The following ENTPD1 variants were observed in gnomAD, a reference collection of about 807,000 sequenced individuals.
ENTPD1 encodes ATP diphosphohydrolase.
A neutral mutation model predicts 57.0 loss-of-function variants in ENTPD1; 33 were observed. The observed-to-expected ratio is 0.58, with a 90% confidence interval of 0.44 to 0.77. The LOEUF is 0.77. Ranked by LOEUF, ENTPD1 falls within the 30% of genes least tolerant of loss-of-function variation. The probability of loss-of-function intolerance (pLI) is 0.00; values close to 1 mark genes in which losing one functional copy is unlikely to be tolerated. For synonymous variants in ENTPD1, 202 were observed against 218.8 expected, an observed-to-expected ratio of 0.92 and a Z score of 0.68; for missense variants, 501 against 603.4, an observed-to-expected ratio of 0.83 and a Z score of 1.78.
chr10:95,699,120 A>G, the ENTPD1 span, among the ~76,000 whole-genome samples: 1 of 152,216 alleles, frequency 6.6e-6, no homozygotes. Flanking sequence ...GGCTGCAGTG[A>G]GCCATGATCA....
chr10:95,768,676 A>G (rs934495910), intron 1 of ENTPD1, among the ~76,000 whole-genome samples: 6 of 152,084 alleles, frequency 3.9e-5, no homozygotes, highest in Non-Finnish European at 8.8e-5. Flanking sequence ...TTTGGCTTCC[A>G]TGAAATCTTT....
chr10:95,871,349 A>T lies in ENTPD1; in HGVS notation c.*4966A>T. ...AAAATGTCATTACTTCTAAGACATC[A>T]TCAGTCTGCAACTTCTTTCCATAGC... On this transcript the variant is annotated 3_prime_UTR_variant, in exon 10 of 10. Transcript: ENST00000371205. The T allele has an allele frequency of 1.0e-6, 1 of 985,434 alleles. No homozygotes were observed. The allele number at this position is 985,434 out of a possible 1,614,324, so 61.0% of individuals were successfully genotyped here.
intron 1 of ENTPD1, among the ~76,000 whole-genome samples, chr10:95,769,871 A>G (rs1054761918): frequency 1.1e-4 from 16 of 152,212 alleles, no homozygotes; most frequent in African/African-American, 3.9e-4. Context: ...GGGCCTTCCA[A>G]GAAACTAGAA....
chr10:95,717,702 G>A (rs534478992), intron 1 of ENTPD1, among the ~76,000 whole-genome samples: 239 of 152,204 alleles, frequency 1.6e-3, no homozygotes, highest in South Asian at 3.1e-3. Context: ...CCCTCTCAAC[G>A]GGAAAACCCA....
chr10:95,776,705 G>A (rs560156794), intron 1 of ENTPD1, among the ~76,000 whole-genome samples: 25 of 152,274 alleles, frequency 1.6e-4, no homozygotes, highest in African/African-American at 3.9e-4. Context: ...GGAAGTTCTC[G>A]TGGATAACAT....
intron 1 of ENTPD1, among the ~76,000 whole-genome samples, chr10:95,779,612 G>A (rs1290489283): frequency 2.0e-5 from 3 of 151,940 alleles, no homozygotes; most frequent in Admixed American, 6.6e-5. Flanking sequence ...AGGACTCTGA[G>A]CTGCCTACTT....
the ENTPD1 span, among the ~76,000 whole-genome samples, chr10:95,706,121 T>C: frequency 2.0e-5 from 3 of 152,106 alleles, no homozygotes; most frequent in Admixed American, 6.5e-5. Context: ...AAAACAAATA[T>C]AATGTTGATC....
At chr10:95,724,977 C>T (rs1190794808) in intron 1 of ENTPD1, among the ~76,000 whole-genome samples, 2 of 152,172 alleles carry the variant, frequency 1.3e-5, no homozygotes, top group East Asian at 3.8e-4. Context: ...ACACCTCTTA[C>T]ATGTGTGTTG....
In ENTPD1 at chr10:95,867,695, C is replaced by CAA. The variant is rs2098475995; in HGVS notation, c.*1313_*1314dup. ...GCACCCCTTTCCTTAAGGATTGCTG[C>CAA]AAGAGTTACCTGTTGAGCAGGATTG... On this transcript the variant is annotated 3_prime_UTR_variant, in exon 10 of 10. Transcript: ENST00000371205. 1 of 985,300 alleles carries CAA rather than the reference C, an allele frequency of 1.0e-6. No homozygotes were observed. The highest frequency in any genetic ancestry group is 1.7e-5 in the African/African-American group (1 of 57,220). 61.0% of individuals were successfully genotyped at this position (985,300 alleles called of 1,614,324 possible). A position where few individuals can be genotyped will look rare whatever the true frequency, so the allele number is the denominator to read the frequency against.
chr10:95,699,570 T>C, the ENTPD1 span, among the ~76,000 whole-genome samples: 1 of 151,272 alleles, frequency 6.6e-6, no homozygotes, highest in African/African-American at 2.4e-5. Context: ...ATTGTGCCAC[T>C]GCACTCCAGC....
At chr10:95,770,137 GA>G (rs59046249) in intron 1 of ENTPD1, among the ~76,000 whole-genome samples, 18,026 of 129,666 alleles carry the variant, frequency 0.14, 1,151 homozygotes, top group Non-Finnish European at 0.15. Flanking sequence ...AGTGTAACTA[GA>G]AAAAAAAAAA....
At chr10:95,708,646 A>T (rs755078272), upstream of ENTPD1, among the ~76,000 whole-genome samples, 1 of 152,268 alleles carries the variant, frequency 6.6e-6, no homozygotes, top group Admixed American at 6.5e-5. Flanking sequence ...TGATGCATTC[A>T]TTATGGAATA....
chr10:95,743,211 A>G (rs971106047), intron 1 of ENTPD1, among the ~76,000 whole-genome samples: 1 of 152,172 alleles, frequency 6.6e-6, no homozygotes, highest in Non-Finnish European at 1.5e-5. Context: ...ATGTCCTTCA[A>G]TTGGGATTTG....
intron 7 of ENTPD1, among the ~76,000 whole-genome samples, chr10:95,857,544 C>A (rs2098457290): frequency 6.6e-6 from 1 of 152,178 alleles, no homozygotes; most frequent in East Asian, 1.9e-4. Context: ...TCTCACCCCA[C>A]CATCAGTTCA....
chr10:95,876,314 AC>A lies in ENTPD1; in HGVS notation c.*9932del, dbSNP rs1205755710. 3.0e-6 allele frequency: 3 copies of A among 985,070 alleles called. No individual in the cohort carries two copies. In the African/African-American group the frequency reaches 5.2e-5, roughly 17 times the overall value. 61.0% of individuals were successfully genotyped at this position (985,070 alleles called of 1,614,324 possible). On this transcript the variant is annotated 3_prime_UTR_variant, in exon 10 of 10. Transcript: ENST00000371205. ...TTATGAAATGACTTTTGGCCTAGTA[AC>A]AATGAAAATGGGGGCAAATACAGAT...
chr10:95,812,786 A>G (rs1386486948), intron 1 of ENTPD1, among the ~76,000 whole-genome samples: 1 of 152,244 alleles, frequency 6.6e-6, no homozygotes, highest in African/African-American at 2.4e-5. Flanking sequence ...GGCCATTCTA[A>G]TAAGTGTATA....
chr10:95,844,559 C>G lies in ENTPD1; in HGVS notation c.497C>G (p.Ala166Gly). ...LSNYPFDFQG[A>G]RIITGQEEGA... ...AACTACCCCTTTGACTTCCAGGGTGCCAGGATCATTACTGGCCAAGAGGAA... is the reference window on the plus strand; with the variant it reads ...AACTACCCCTTTGACTTCCAGGGTGGCAGGATCATTACTGGCCAAGAGGAA... Residue 166 changes from alanine to glycine, a missense_variant, in exon 5 of 10, where the codon GCC becomes GGC. Transcript: ENST00000371205. 1 of 1,614,184 alleles carries G rather than the reference C, an allele frequency of 6.2e-7. No homozygotes were observed.
chr10:95,783,108 A>G (rs371350146), intron 1 of ENTPD1, among the ~76,000 whole-genome samples: 4 of 152,252 alleles, frequency 2.6e-5, no homozygotes. Context: ...AAGAGAGTGG[A>G]CAAAAATGAA....
intron 6 of ENTPD1, 27 bp downstream of exon 6, chr10:95,845,623 C>G: frequency 1.9e-6 from 3 of 1,614,148 alleles, no homozygotes; most frequent in Non-Finnish European, 1.7e-6. Flanking sequence ...CCAGACCTGC[C>G]CCCTTCACAT....
Sources: gnomAD v4.1 joint callset for allele counts (sites outside exome capture counted in the v4.1 genomes callset) on GRCh38, gnomAD v4.1.1 for gene constraint, MANE v1.5 for transcripts, NCBI Gene and HGNC (gene_info 2026-07-23, HGNC 2026-07-21) for gene names.